POFUT3: variants seen among roughly 807,000 people sequenced by gnomAD.
The protein encoded by POFUT3 is protein O-fucosyltransferase 3.
the POFUT3 span, among the ~76,000 whole-genome samples, chr8:33,428,431 T>G: frequency 4.6e-5 from 7 of 152,214 alleles, no homozygotes; most frequent in Admixed American, 1.3e-4. Context: ...TTATTATCAA[T>G]GTCAAAATTG....
the POFUT3 span, among the ~76,000 whole-genome samples, chr8:33,423,271 C>T: frequency 2.5e-5 from 2 of 80,268 alleles, no homozygotes; most frequent in African/African-American, 1.6e-4. Flanking sequence ...ACAATTCTTA[C>T]AATTTTTTTT....
the POFUT3 span, among the ~76,000 whole-genome samples, chr8:33,420,893 G>A: frequency 3.3e-5 from 5 of 151,354 alleles, no homozygotes; most frequent in South Asian, 2.1e-4. Context: ...ACATCACTAC[G>A]TATCCCATGA....
chr8:33,409,433 T>C, the POFUT3 span, among the ~76,000 whole-genome samples: 4 of 152,180 alleles, frequency 2.6e-5, no homozygotes, highest in Non-Finnish European at 5.9e-5. Flanking sequence ...CTCTCATTTA[T>C]AGGATTCTAA....
At chr8:33,370,163 C>A in the POFUT3 span, among the ~76,000 whole-genome samples, 1 of 94,488 alleles carries the variant, frequency 1.1e-5, no homozygotes, top group South Asian at 4.9e-4. Flanking sequence ...GAAACCCCAT[C>A]TTTACTAAAA....
chr8:33,351,085 C>T, the POFUT3 span, among the ~76,000 whole-genome samples: 1 of 151,968 alleles, frequency 6.6e-6, no homozygotes, highest in South Asian at 2.1e-4. Context: ...CTCCCGAGTA[C>T]CTGGGATTAC....
chr8:33,393,139 T>A, the POFUT3 span, among the ~76,000 whole-genome samples: 1 of 152,140 alleles, frequency 6.6e-6, no homozygotes, highest in Non-Finnish European at 1.5e-5. Flanking sequence ...TCTCCCCAAC[T>A]CCATCGCAAT....
At chr8:33,472,232 A>G in the POFUT3 span, among the ~76,000 whole-genome samples, 1 of 152,208 alleles carries the variant, frequency 6.6e-6, no homozygotes, top group African/African-American at 2.4e-5. Context: ...AATCCAAGTC[A>G]TTTCATGCAC....
chr8:33,327,445 G>C, the POFUT3 span, among the ~76,000 whole-genome samples: 1 of 152,066 alleles, frequency 6.6e-6, no homozygotes, highest in Middle Eastern at 3.2e-3. Context: ...TCTTAGCACA[G>C]TACTGAGCAT....
chr8:33,321,155 T>A, the POFUT3 span, among the ~76,000 whole-genome samples: 1 of 152,106 alleles, frequency 6.6e-6, no homozygotes, highest in South Asian at 2.1e-4. Context: ...AAACCAGGTC[T>A]AGGTAAGAAT....
At chr8:33,371,552 G>A in the POFUT3 span, 4 of 152,116 alleles carry the variant, frequency 2.6e-5, no homozygotes, top group East Asian at 7.7e-4. Context: ...CAGGCTTTTA[G>A]TATCATCTAG....
chr8:33,368,153 G>T, the POFUT3 span, among the ~76,000 whole-genome samples: 2 of 152,148 alleles, frequency 1.3e-5, no homozygotes, highest in South Asian at 2.1e-4. Flanking sequence ...AGGGGCAAGG[G>T]TATATAGCAG....
At chr8:33,400,312 G>A in the POFUT3 span, among the ~76,000 whole-genome samples, 407 of 151,906 alleles carry the variant, frequency 2.7e-3, 4 homozygotes, top group African/African-American at 9.2e-3. Flanking sequence ...ACTTCATTTC[G>A]TGTAGTGGTA....
the POFUT3 span, among the ~76,000 whole-genome samples, chr8:33,319,354 T>C: frequency 0.045 from 1,587 of 35,578 alleles, 15 homozygotes; most frequent in East Asian, 0.21. Context: ...ATATTTTATA[T>C]ATATTTTATA....
At chr8:33,380,230 CTATA>C in the POFUT3 span, among the ~76,000 whole-genome samples, 21 of 54,714 alleles carry the variant, frequency 3.8e-4, no homozygotes, top group Middle Eastern at 0.014. Context: ...TATATATATA[CTATA>C]TATATATATA....
chr8:33,436,203 A>G, the POFUT3 span: 1 of 1,284,874 alleles, frequency 7.8e-7, no homozygotes, highest in South Asian at 1.3e-5. Flanking sequence ...CCAAGCCGAG[A>G]ACGTCCCAGA....
the POFUT3 span, among the ~76,000 whole-genome samples, chr8:33,355,308 T>C: frequency 6.4e-4 from 98 of 152,320 alleles, 3 homozygotes; most frequent in African/African-American, 2.3e-3. Flanking sequence ...TGTAAAGAAC[T>C]CATATTTATA....
chr8:33,349,163 A>C, the POFUT3 span, among the ~76,000 whole-genome samples: 1 of 152,220 alleles, frequency 6.6e-6, no homozygotes, highest in African/African-American at 2.4e-5. Flanking sequence ...TACCAGTGCC[A>C]GATAGCTGTA....
chr8:33,462,054 G>C, the POFUT3 span, among the ~76,000 whole-genome samples: 5 of 137,648 alleles, frequency 3.6e-5, no homozygotes, highest in East Asian at 1.1e-3. Context: ...CAGCTACTCA[G>C]GAGGCTGCAG....
At chr8:33,447,787 A>G in the POFUT3 span, among the ~76,000 whole-genome samples, 1 of 152,308 alleles carries the variant, frequency 6.6e-6, no homozygotes, top group Non-Finnish European at 1.5e-5. Context: ...TAATTAGGTC[A>G]GCTTTTGATA....
Sources: allele counts gnomAD v4.1 joint callset (sites outside exome capture counted in the v4.1 genomes callset), GRCh38; gene constraint gnomAD v4.1.1; transcripts MANE v1.5; gene names NCBI Gene and HGNC (gene_info 2026-07-23, HGNC 2026-07-21).